DLGAP2: variants seen among roughly 807,000 people sequenced by gnomAD.
The protein encoded by DLGAP2 is DLG associated protein 2, also known as disks large-associated protein 2.
In DLGAP2, 26 loss-of-function variants were observed where a neutral mutation model predicts 100.3. The observed-to-expected ratio is 0.26, with a 90% CI of 0.19 to 0.36. The LOEUF (loss-of-function observed/expected upper bound fraction) is 0.36. Ranked by LOEUF, DLGAP2 falls within the 10% of genes least tolerant of loss-of-function variation. The pLI is 1.00. For missense variants in DLGAP2, 1,858 were observed against 1,453.2 expected (o/e 1.28, Z -4.53); for synonymous variants, 886 against 630.1 (o/e 1.41, Z -6.08).
At chr8:1,369,219 T>C (rs985259414) in intron 3 of DLGAP2, 1 of 152,140 alleles carries the variant, frequency 6.6e-6, no homozygotes, top group Non-Finnish European at 1.5e-5. Context: ...ATTCCACAGA[T>C]AGTGTGGTTT....
intron 2 of DLGAP2, among the ~76,000 whole-genome samples, chr8:949,801 A>C (rs1249472163): frequency 6.6e-6 from 1 of 152,282 alleles, no homozygotes; most frequent in Admixed American, 6.5e-5. Context: ...CCTGGGACGC[A>C]GGTCACGCGG....
At chr8:763,345 T>C (rs1024327545) in intron 1 of DLGAP2, among the ~76,000 whole-genome samples, 4 of 152,210 alleles carry the variant, frequency 2.6e-5, no homozygotes, top group Admixed American at 2.6e-4. Flanking sequence ...ACTCATCTTC[T>C]TGCATATCAA....
At chr8:1,499,706 A>T (rs1799651752) in intron 3 of DLGAP2, among the ~76,000 whole-genome samples, 1 of 152,224 alleles carries the variant, frequency 6.6e-6, no homozygotes. Context: ...GCTATTTCTT[A>T]TACATGTGTG....
At chr8:1,514,299 C>T (rs759926920) in intron 4 of DLGAP2, among the ~76,000 whole-genome samples, 3 of 152,334 alleles carry the variant, frequency 2.0e-5, no homozygotes, top group South Asian at 2.1e-4. Context: ...GAAGGCTTCC[C>T]GCATCCTGCG....
intron 6 of DLGAP2, among the ~76,000 whole-genome samples, chr8:1,588,920 T>G (rs2130664712): frequency 6.6e-6 from 1 of 152,218 alleles, no homozygotes; most frequent in East Asian, 1.9e-4. Context: ...TGACTTCATC[T>G]CAAGTTTGGA....
At chr8:966,673 C>T (rs535106701) in intron 2 of DLGAP2, among the ~76,000 whole-genome samples, 1 of 152,260 alleles carries the variant, frequency 6.6e-6, no homozygotes, top group East Asian at 1.9e-4. Context: ...CTTTTATCCT[C>T]TTTCACGGTT....
Position 1,202,019 on chromosome 8 carries a change from A to G in DLGAP2, c.74-56832A>G, listed in dbSNP as rs182217083. On this transcript the variant is annotated intron_variant, in intron 2 of 14. Coordinates refer to ENST00000637795, the MANE Select transcript of DLGAP2 (RefSeq NM_001346810.2). ...GGTGTGTGTGTATACACATGTGTCT[A>G]TGTACATGTGTGCACATGTGCAGTA... Among the ~76,000 whole-genome samples the G allele has an allele frequency of 5.2e-4, 78 of 150,910 alleles. No individual in the cohort carries two copies. In the East Asian group the frequency reaches 0.011, roughly 21 times the overall value.
intron 1 of DLGAP2, among the ~76,000 whole-genome samples, chr8:806,970 C>G (rs954049419): frequency 6.6e-6 from 1 of 152,208 alleles, no homozygotes; most frequent in African/African-American, 2.4e-5. Context: ...TCCCCTGGAA[C>G]TGGGCATCTA....
intron 2 of DLGAP2, among the ~76,000 whole-genome samples, chr8:1,158,369 C>T (rs1239495353): frequency 6.6e-6 from 1 of 152,148 alleles, no homozygotes; most frequent in East Asian, 1.9e-4. Flanking sequence ...TAATCTAATT[C>T]CCTCAGTAGA....
intron 3 of DLGAP2, among the ~76,000 whole-genome samples, chr8:1,379,331 C>G (rs116729733): frequency 6.6e-6 from 1 of 152,270 alleles, no homozygotes; most frequent in African/African-American, 2.4e-5. Flanking sequence ...AGAGCCGCGT[C>G]TTTGCTAAGT....
At chr8:1,089,989 G>A (rs1351848281) in intron 2 of DLGAP2, among the ~76,000 whole-genome samples, 3 of 152,176 alleles carry the variant, frequency 2.0e-5, no homozygotes, top group South Asian at 2.1e-4. Context: ...CACACCCTGA[G>A]GACCTGTTTC....
intron 14 of DLGAP2, among the ~76,000 whole-genome samples, chr8:1,700,287 A>C (rs778402770): frequency 2.0e-5 from 3 of 152,212 alleles, no homozygotes; most frequent in Admixed American, 6.5e-5. Flanking sequence ...TCTGCTTAGG[A>C]AAGTGGTTCT....
intron 1 of DLGAP2, among the ~76,000 whole-genome samples, chr8:892,551 G>T (rs543306679): frequency 1.3e-5 from 2 of 152,296 alleles, no homozygotes; most frequent in Non-Finnish European, 2.9e-5. Flanking sequence ...GGGAGGGGGC[G>T]TGGGAGGACA....
intron 3 of DLGAP2, among the ~76,000 whole-genome samples, chr8:1,464,576 C>A (rs1450756450): frequency 6.6e-6 from 1 of 152,154 alleles, no homozygotes; most frequent in Non-Finnish European, 1.5e-5. Flanking sequence ...GGACGGCTCT[C>A]TTCCAGGACA....
rs949386556 is a variant in DLGAP2 at position 1,491,151 on chromosome 8, C to T, written c.107-10215C>T. 1.7e-4 allele frequency among the ~76,000 whole-genome samples: 23 copies of T among 133,846 alleles called. No homozygotes were observed. In the South Asian group the frequency reaches 2.6e-3, roughly 15 times the overall value. 87.8% of individuals were successfully genotyped at this position (133,846 alleles called of 152,430 possible). On this transcript the variant is annotated intron_variant, in intron 3 of 14. Transcript: ENST00000637795. ...AAAAGAAAAAAAAAAAAATCCAGGA[C>T]GCCCAGTTAGGTTTGCATTTCACAA... is the stretch of plus-strand genomic sequence containing the variant.
At chr8:1,004,734 C>G (rs73673048) in intron 2 of DLGAP2, among the ~76,000 whole-genome samples, 4 of 152,138 alleles carry the variant, frequency 2.6e-5, no homozygotes, top group Non-Finnish European at 4.4e-5. Context: ...GCTGGGAGGT[C>G]GGCTTCACAC....
chr8:845,950 T>C (rs1797063790), intron 1 of DLGAP2, among the ~76,000 whole-genome samples: 1 of 152,232 alleles, frequency 6.6e-6, no homozygotes, highest in East Asian at 1.9e-4. Context: ...GGCACCCTTG[T>C]CAAAAATCAA....
At chr8:1,239,978 C>G (rs1406709110) in intron 2 of DLGAP2, among the ~76,000 whole-genome samples, 6 of 140,346 alleles carry the variant, frequency 4.3e-5, no homozygotes, top group Admixed American at 2.2e-4. Flanking sequence ...CACATAGCGT[C>G]TTGTCTAGTT....
At chr8:1,517,453 C>G (rs1304670215) in intron 4 of DLGAP2, among the ~76,000 whole-genome samples, 2 of 152,140 alleles carry the variant, frequency 1.3e-5, no homozygotes, top group African/African-American at 4.8e-5. Flanking sequence ...CGTTTCCCCA[C>G]CCCCTGCTCC....
Sources: gnomAD v4.1 joint callset for allele counts (sites outside exome capture counted in the v4.1 genomes callset) on GRCh38, gnomAD v4.1.1 for gene constraint, MANE v1.5 for transcripts, NCBI Gene and HGNC (gene_info 2026-07-23, HGNC 2026-07-21) for gene names.